Variants in ADPRHL1 observed in about 807,000 individuals in gnomAD.
ADPRHL1 encodes the protein inactive ADP-ribosyltransferase ARH2.
In ADPRHL1, 43 loss-of-function variants were observed where a neutral mutation model predicts 44.1. That is an observed-to-expected ratio of 0.98 (90% CI 0.76 to 1.26). The LOEUF is 1.26. Among genes scored for constraint, ADPRHL1 ranks in the 50% most tolerant of loss-of-function variants. The pLI is 0.00. For missense variants in ADPRHL1, 2,022 were observed against 2,496.9 expected (o/e 0.81, Z 4.05); for synonymous variants, 878 against 1,017.4 (o/e 0.86, Z 2.61).
intron 7 of ADPRHL1, among the ~76,000 whole-genome samples, chr13:113,418,428 C>T (rs1300382018): frequency 6.6e-6 from 1 of 152,204 alleles, no homozygotes; most frequent in Non-Finnish European, 1.5e-5. Flanking sequence ...CCGCTTCCTC[C>T]AACGTGGGAA....
At chr13:113,417,754 T>C (rs1256833957) in intron 7 of ADPRHL1, among the ~76,000 whole-genome samples, 1 of 152,272 alleles carries the variant, frequency 6.6e-6, no homozygotes, top group Non-Finnish European at 1.5e-5. Context: ...ACCAGGGATT[T>C]TAACCAGGGA....
intron 5 of ADPRHL1, among the ~76,000 whole-genome samples, chr13:113,424,700 T>TCACCATCCACTCCTCCATCCACC (rs1555326581): frequency 1.9e-5 from 1 of 52,074 alleles, no homozygotes. Context: ...ACCCATCCAT[T>TCACCATCCACTCCTCCATCCACC]CATCCATTTA....
At chr13:113,450,465 A>C (rs2044170835) in intron 1 of ADPRHL1, among the ~76,000 whole-genome samples, 1 of 152,170 alleles carries the variant, frequency 6.6e-6, no homozygotes, top group Non-Finnish European at 1.5e-5. Flanking sequence ...GAGAAAAGGC[A>C]GCTGGGCCCG....
In ADPRHL1 at chr13:113,400,204, G is replaced by A. The variant is rs2043747828; in HGVS notation, c.*3174C>T. The A allele has an allele frequency of 1.4e-5, 2 of 143,746 alleles. No homozygotes were observed. The highest frequency in any genetic ancestry group is 1.4e-4 in the Admixed American group (2 of 14,312). The allele number at this position is 143,746 out of a possible 1,614,324, so 8.9% of individuals were successfully genotyped here. Reference sequence around the variant, plus strand: ...TCTGTCACCCAGGCTGGAGTGCAGTGGCGCAATCTCGGCTCACTGCAAGCT... The same window carrying A: ...TCTGTCACCCAGGCTGGAGTGCAGTAGCGCAATCTCGGCTCACTGCAAGCT... On this transcript the variant is annotated 3_prime_UTR_variant, in exon 8 of 8. Coordinates refer to ENST00000612156, the MANE Select transcript of ADPRHL1 (RefSeq NM_001394807.1).
chr13:113,426,130 C>T (rs1209283622), intron 4 of ADPRHL1, among the ~76,000 whole-genome samples: 3 of 50,856 alleles, frequency 5.9e-5, no homozygotes, highest in Non-Finnish European at 1.0e-4. Context: ...GCTCTAGGGA[C>T]TTCTTAAGAG....
chr13:113,423,254 C>T (rs1950739988), intron 6 of ADPRHL1, among the ~76,000 whole-genome samples: 1 of 129,984 alleles, frequency 7.7e-6, no homozygotes, highest in Non-Finnish European at 1.7e-5. Context: ...GAGATCCTGT[C>T]TCAAAAAAAA....
chr13:113,453,379 C>T lies in ADPRHL1; in HGVS notation c.59G>A (p.Arg20Lys). 6.2e-7 allele frequency: 1 copy of T among 1,614,202 alleles called. No individual in the cohort carries two copies. The highest frequency in any genetic ancestry group is 1.1e-5 in the South Asian group (1 of 91,088). The stretch of plus-strand genomic sequence containing the variant: ...AGTGCTGTTCTCCTTGCAGACATTT[C>T]TGTAGCCAAGAGCATCGCCGACGCT... Reference protein sequence around the residue: ...LGSVGDALGYRNVCKENSTVG... With the variant: ...LGSVGDALGYKNVCKENSTVG... Residue 20 changes from arginine to lysine, a missense_variant, in exon 1 of 8, where the codon AGA becomes AAA. Transcript: ENST00000612156. The surrounding 1 kb of genome is among the most constrained non-coding windows in gnomAD (Gnocchi z 5.4).
intron 2 of ADPRHL1, among the ~76,000 whole-genome samples, chr13:113,440,483 T>C (rs1219219975): frequency 6.7e-6 from 1 of 150,016 alleles, no homozygotes; most frequent in Non-Finnish European, 1.5e-5. Flanking sequence ...TGAGATGGAG[T>C]CTCACTCTGT....
At chr13:113,448,464 C>CAAAAA (rs1215068634) in intron 1 of ADPRHL1, among the ~76,000 whole-genome samples, 1 of 55,996 alleles carries the variant, frequency 1.8e-5, no homozygotes, top group Non-Finnish European at 2.8e-5. Context: ...AGACTATGTC[C>CAAAAA]CAAAAAAAAA....
rs1854755375 is a variant in ADPRHL1, at chr13:113,407,425, CG to C, written c.1856del (p.Pro619ArgfsTer71). 1.6e-6 allele frequency: 2 copies of C among 1,231,968 alleles called. No homozygotes were observed. The highest frequency in any genetic ancestry group is 2.0e-6 in the Non-Finnish European group (2 of 988,000). 76.3% of individuals were successfully genotyped at this position (1,231,968 alleles called of 1,614,324 possible). A position where few individuals can be genotyped will look rare whatever the true frequency, so the allele number is the denominator to read the frequency against. ...AGACGACGGTGGCGATGCTGAGGGC[CG>C]GCAGGGGCTCAGCCGTGCAGGCCAG... ...RFLACTAEPL[P>X]ALSIATVVCG... is the part of the protein sequence containing the mutation. On this transcript the variant is annotated frameshift_variant, in exon 8 of 8. Transcript: ENST00000612156. LOFTEE classifies it low-confidence loss of function (END_TRUNC).
intron 3 of ADPRHL1, among the ~76,000 whole-genome samples, chr13:113,432,953 A>T (rs1242502210): frequency 6.6e-6 from 1 of 152,144 alleles, no homozygotes; most frequent in Non-Finnish European, 1.5e-5. Context: ...GCCTAGAGTC[A>T]GGCGCTACCG....
chr13:113,400,276 G>C lies in ADPRHL1; in HGVS notation c.*3102C>G, dbSNP rs2043749215. On this transcript the variant is annotated 3_prime_UTR_variant, in exon 8 of 8. Transcript: ENST00000612156. ...TTCTCCTGTCTCAGGCTCCCGAGTAGCTGGGACTACAGGCACCCACCACCA... is the reference window on the plus strand; with the variant it reads ...TTCTCCTGTCTCAGGCTCCCGAGTACCTGGGACTACAGGCACCCACCACCA... 2.0e-5 allele frequency: 3 copies of C among 149,412 alleles called. No homozygotes were observed. The highest frequency in any genetic ancestry group is 7.4e-5 in the African/African-American group (3 of 40,670). The allele number at this position is 149,412 out of a possible 1,614,324, so 9.3% of individuals were successfully genotyped here.
chr13:113,449,331 C>T (rs985540931), intron 1 of ADPRHL1: 5 of 551,620 alleles, frequency 9.1e-6, no homozygotes, highest in South Asian at 1.5e-4. Flanking sequence ...GAGGCTCACC[C>T]GGAAGGAGGG....
At chr13:113,410,274 G>A (rs925454169) in intron 7 of ADPRHL1, among the ~76,000 whole-genome samples, 72 of 152,308 alleles carry the variant, frequency 4.7e-4, no homozygotes, top group African/African-American at 1.6e-3. Flanking sequence ...AAACCCCGGT[G>A]GGCATCAGTG....
chr13:113,445,716 GC>G (rs2044131590), intron 1 of ADPRHL1, among the ~76,000 whole-genome samples: 1 of 152,142 alleles, frequency 6.6e-6, no homozygotes, highest in Non-Finnish European at 1.5e-5. Context: ...CCTGCTGGTG[GC>G]TGGGGCCTTT....
In ADPRHL1 at chr13:113,451,499, G is replaced by C. The variant is rs116633850; in HGVS notation, c.214+1725C>G. The stretch of plus-strand genomic sequence containing the variant: ...CACAGCTGAGGACCCTGAGAGCTTA[G>C]AGCAAACTTACTTCCTCCTTAAGAA... On this transcript the variant is annotated intron_variant, in intron 1 of 7. Transcript: ENST00000612156. Among the ~76,000 whole-genome samples, 1,471 of 152,166 alleles carry C rather than the reference G, an allele frequency of 9.7e-3. 30 individuals carry two copies. The highest frequency in any genetic ancestry group is 0.034 in the African/African-American group (1,395 of 41,510).
At chr13:113,408,848 A>AGGGGGCTGCAGAGAGGAGGGGCGGAG (rs1555325346) in intron 7 of ADPRHL1, among the ~76,000 whole-genome samples, 1 of 117,486 alleles carries the variant, frequency 8.5e-6, no homozygotes, top group African/African-American at 3.5e-5. Flanking sequence ...GCAGGGGAGG[A>AGGGGGCTGCAGAGAGGAGGGGCGGAG]GGGGGCTGCA....
intron 7 of ADPRHL1, chr13:113,422,341 C>T (rs915033993): frequency 1.3e-5 from 2 of 154,794 alleles, no homozygotes; most frequent in East Asian, 1.8e-4. Context: ...CAGGAACACA[C>T]GACCCACTGT....
In ADPRHL1 at chr13:113,404,109, G is replaced by A. The variant is rs1382552194; in HGVS notation, c.5173C>T (p.Arg1725Trp). ...QAQKGAQERAREQAQKGAQER... is the reference protein window; with the variant it reads ...QAQKGAQERAWEQAQKGAQER... Reference sequence around the variant, plus strand: ...TGAGCCCCTTTCTGGGCCTGTTCCCGAGCCCGTTCCTGAGCCCCTTTCTGG... The same window carrying A: ...TGAGCCCCTTTCTGGGCCTGTTCCCAAGCCCGTTCCTGAGCCCCTTTCTGG... Residue 1725 changes from arginine (R) to tryptophan (W), a missense_variant, in exon 8 of 8, where the codon CGG (arginine) becomes TGG (tryptophan). Physicochemically the swap from Arg to Trp is moderately radical, Grantham distance 101 (BLOSUM62 -3). This residue lies in a region of ADPRHL1 where 24 missense variants were observed against 80.7 expected (regional missense o/e 0.30). Transcript: ENST00000612156. The A allele has an allele frequency of 1.1e-6, 1 of 915,392 alleles. No individual in the cohort carries two copies. The highest frequency in any genetic ancestry group is 1.4e-6 in the Non-Finnish European group (1 of 704,166). The allele number at this position is 915,392 out of a possible 1,614,324, so 56.7% of individuals were successfully genotyped here.
Sources: gnomAD v4.1 joint callset for allele counts (sites outside exome capture counted in the v4.1 genomes callset) on GRCh38, gnomAD v4.1.1 for gene constraint, gnomAD v4.1.1 regional missense constraint, Gnocchi (gnomAD v3.1) non-coding constraint, MANE v1.5 for transcripts, NCBI Gene and HGNC (gene_info 2026-07-23, HGNC 2026-07-21) for gene names.